RGCC: variants seen among roughly 807,000 people sequenced by gnomAD.
RGCC encodes regulator of cell cycle.
RGCC carries 15 observed loss-of-function variants against 15.4 expected under a neutral mutation model. That is an observed-to-expected ratio of 0.97 (90% CI 0.65 to 1.50). The LOEUF (loss-of-function observed/expected upper bound fraction) is 1.50. RGCC is among the 40% of genes most tolerant of loss of function. The pLI is 0.00. For synonymous variants in RGCC, 81 were observed against 78.0 expected (o/e 1.04, Z -0.20); for missense variants, 176 against 189.7 (o/e 0.93, Z 0.42).
intron 2 of RGCC, among the ~76,000 whole-genome samples, chr13:41,465,929 A>G (rs1373581480): frequency 5.9e-5 from 9 of 152,056 alleles, no homozygotes; most frequent in Non-Finnish European, 1.2e-4. Flanking sequence ...GACATATTTC[A>G]CTTGAGATGA....
chr13:41,465,417 G>A (rs1027945374), intron 2 of RGCC, among the ~76,000 whole-genome samples: 9 of 152,218 alleles, frequency 5.9e-5, no homozygotes, highest in Admixed American at 5.9e-4. Context: ...CAGCCACACA[G>A]CTGGGCCAAC....
chr13:41,466,284 CACAA>C (rs763228321), intron 2 of RGCC, among the ~76,000 whole-genome samples: 4 of 151,576 alleles, frequency 2.6e-5, no homozygotes, highest in East Asian at 1.9e-4. Context: ...CACACTTTCA[CACAA>C]ACACACACAC....
Position 41,457,638 on chromosome 13 carries a change from C to A in RGCC, c.-70C>A, listed in dbSNP as rs950997405. On this transcript the variant is annotated 5_prime_UTR_variant, in exon 1 of 5. Transcript: ENST00000379359. This position sits in a 1 kb window ranked among gnomAD's most constrained non-coding sequence, Gnocchi z 4.9. ...GGCTGAAGTGTGCGGGACAGCAAGC[C>A]CCCGAATAGCCCCGGCTGCCACCTC... 6.7e-7 allele frequency: 1 copy of A among 1,499,056 alleles called. No homozygotes were observed. The highest frequency in any genetic ancestry group is 8.9e-7 in the Non-Finnish European group (1 of 1,125,962). 92.9% of individuals were successfully genotyped at this position (1,499,056 alleles called of 1,614,324 possible). A position where few individuals can be genotyped will look rare whatever the true frequency, so the allele number is the denominator to read the frequency against.
At chr13:41,470,167 A>T (rs553288025) in intron 4 of RGCC, among the ~76,000 whole-genome samples, 2 of 152,200 alleles carry the variant, frequency 1.3e-5, no homozygotes, top group Non-Finnish European at 2.9e-5. Context: ...TATCATTTCT[A>T]TTTGAAAATT....
At chr13:41,463,900 C>T (rs114284013) in intron 2 of RGCC, among the ~76,000 whole-genome samples, 24 of 152,298 alleles carry the variant, frequency 1.6e-4, no homozygotes, top group African/African-American at 5.1e-4. Context: ...CATTCAATAG[C>T]GTTTGGCCTC....
At chr13:41,466,022 T>C (rs966144007) in intron 2 of RGCC, among the ~76,000 whole-genome samples, 2 of 151,936 alleles carry the variant, frequency 1.3e-5, no homozygotes, top group Admixed American at 1.3e-4. Context: ...CCCCTTCCTG[T>C]ATTGGGGAAG....
chr13:41,469,712 T>A (rs1006917098), intron 4 of RGCC, among the ~76,000 whole-genome samples: 3 of 152,214 alleles, frequency 2.0e-5, no homozygotes, highest in Non-Finnish European at 4.4e-5. Context: ...GGATTAGGTA[T>A]GCATACTTGC....
intron 4 of RGCC, among the ~76,000 whole-genome samples, chr13:41,469,341 T>C (rs2043865068): frequency 6.7e-6 from 1 of 150,144 alleles, no homozygotes; most frequent in Admixed American, 6.6e-5. Context: ...GAAACAGGAC[T>C]CTAGTGGCTA....
intron 2 of RGCC, among the ~76,000 whole-genome samples, chr13:41,466,357 G>A (rs1158841164): frequency 6.6e-6 from 1 of 151,852 alleles, no homozygotes; most frequent in East Asian, 1.9e-4. Flanking sequence ...TCATTTTGGG[G>A]GCATAAACAT....
chr13:41,459,142 CTT>C (rs2043808672), intron 2 of RGCC, among the ~76,000 whole-genome samples: 1 of 152,142 alleles, frequency 6.6e-6, no homozygotes, highest in Admixed American at 6.5e-5. Context: ...CCCAGGGTCT[CTT>C]TGTCCTGAAC....
intron 2 of RGCC, among the ~76,000 whole-genome samples, chr13:41,466,346 A>C (rs2043849643): frequency 6.6e-6 from 1 of 151,958 alleles, no homozygotes; most frequent in African/African-American, 2.4e-5. Flanking sequence ...CCTGTCTCGA[A>C]TCATTTTGGG....
chr13:41,464,516 G>A (rs149855147), intron 2 of RGCC, among the ~76,000 whole-genome samples: 25 of 152,264 alleles, frequency 1.6e-4, no homozygotes, highest in Middle Eastern at 3.4e-3. Flanking sequence ...AAGGTTCCAC[G>A]GAGTCCAAGG....
intron 2 of RGCC, among the ~76,000 whole-genome samples, chr13:41,465,561 T>G (rs1024581526): frequency 2.2e-5 from 3 of 134,060 alleles, no homozygotes; most frequent in African/African-American, 7.9e-5. Context: ...ATGTACTAGC[T>G]CAAAGGCACC....
intron 4 of RGCC, among the ~76,000 whole-genome samples, chr13:41,469,521 T>G (rs2043865954): frequency 6.6e-6 from 1 of 152,144 alleles, no homozygotes; most frequent in Admixed American, 6.5e-5. Context: ...AGAAATGAAC[T>G]GATTAACCAC....
rs1290169550 is a variant in RGCC at position 41,468,825 on chromosome 13, CA to C, written c.397del (p.Thr133LeufsTer2). 1.2e-6 allele frequency: 2 copies of C among 1,605,320 alleles called. No homozygotes were observed. The highest frequency in any genetic ancestry group is 2.7e-5 in the African/African-American group (2 of 74,652). ...ELEAFIADLD[K>X]TLASM ...TAGAAGCCTTCATTGCTGATCTTGA[CA>C]AAACTTTAGCAAGTAAGTACATGTC... On this transcript the variant is annotated frameshift_variant, in exon 4 of 5. Transcript: ENST00000379359. LOFTEE classifies it high-confidence loss of function.
At chr13:41,461,256 A>G (rs1446495033) in intron 2 of RGCC, among the ~76,000 whole-genome samples, 1 of 152,190 alleles carries the variant, frequency 6.6e-6, no homozygotes, top group Middle Eastern at 3.2e-3. Context: ...AAAATCAGGC[A>G]CTTTAGTGGG....
rs573884355 is a variant in RGCC, at chr13:41,466,147, ACT to A, written c.236-674_236-673del. 7.2e-3 allele frequency among the ~76,000 whole-genome samples: 1,051 copies of A among 145,318 alleles called. 14 individuals are homozygous for A. Among genetic ancestry groups the A allele is most frequent in the African/African-American group, 0.026 (1,000 of 37,990 alleles). On this transcript the variant is annotated intron_variant, in intron 2 of 4. Coordinates refer to ENST00000379359, the MANE Select transcript of RGCC (RefSeq NM_014059.3). Reference sequence around the variant, plus strand: ...TCTCATTTTCTCACACACACTCCACACTCACACACGCACACACTCTCACACAC... The same window carrying A: ...TCTCATTTTCTCACACACACTCCACACACACACGCACACACTCTCACACAC...
intron 2 of RGCC, among the ~76,000 whole-genome samples, chr13:41,463,910 C>T (rs969510828): frequency 9.8e-5 from 15 of 152,306 alleles, no homozygotes; most frequent in South Asian, 4.1e-4. Context: ...CGTTTGGCCT[C>T]CTTGCCTGTG....
chr13:41,461,215 C>A (rs116354781), intron 2 of RGCC, among the ~76,000 whole-genome samples: 3,924 of 152,190 alleles, frequency 0.026, 59 homozygotes, highest in South Asian at 0.052. Context: ...AGTGTTGTTA[C>A]TTTCGTTTAG....
Sources: gnomAD v4.1 joint callset for allele counts (sites outside exome capture counted in the v4.1 genomes callset) on GRCh38, gnomAD v4.1.1 for gene constraint, Gnocchi (gnomAD v3.1) non-coding constraint, MANE v1.5 for transcripts, NCBI Gene and HGNC (gene_info 2026-07-23, HGNC 2026-07-21) for gene names.